The following ULK4 variants were observed in gnomAD, a reference collection of about 807,000 sequenced individuals.
The protein encoded by ULK4 is unc-51 like kinase 4, also known as inactive serine/threonine-protein kinase ULK4.
In ULK4, 133 loss-of-function variants were observed where a neutral mutation model predicts 160.6. The ratio of observed to expected loss-of-function variants is 0.83; its 90% CI spans 0.72 to 0.96. ULK4 has a LOEUF of 0.96. ULK4 is among the 40% of genes least tolerant of loss of function. The pLI is 0.00. For missense variants in ULK4, 1,580 were observed against 1,499.5 expected (o/e 1.05, Z -0.89); for synonymous variants, 534 against 539.8 (o/e 0.99, Z 0.15).
chr3:41,941,642 A>C (rs1451227550), intron 2 of ULK4, among the ~76,000 whole-genome samples: 1 of 149,050 alleles, frequency 6.7e-6, no homozygotes, highest in Non-Finnish European at 1.5e-5. Context: ...CTGTGGTCCC[A>C]GCTACTAGGG....
At chr3:41,571,226 G>C (rs1449383853) in intron 31 of ULK4, among the ~76,000 whole-genome samples, 1 of 152,164 alleles carries the variant, frequency 6.6e-6, no homozygotes, top group Non-Finnish European at 1.5e-5. Context: ...TGCAGCGGAG[G>C]GAGACCTTGG....
chr3:41,490,902 T>C (rs911432949), intron 32 of ULK4, among the ~76,000 whole-genome samples: 1 of 152,082 alleles, frequency 6.6e-6, no homozygotes, highest in Non-Finnish European at 1.5e-5. Flanking sequence ...CTGACACCAA[T>C]CAGTGCTCAA....
intron 31 of ULK4, among the ~76,000 whole-genome samples, chr3:41,580,834 C>T (rs2030262379): frequency 6.6e-6 from 1 of 152,152 alleles, no homozygotes; most frequent in African/African-American, 2.4e-5. Context: ...CTCCAAGGCC[C>T]TTTTCTGCCC....
At position 41,754,348 on chromosome 3, in the gene ULK4, G is replaced by C. The variant is rs1168445429; in HGVS notation, c.2321+13C>G. ...ATTGAAGTTACTGATGAAACCATCA[G>C]AGAAAATCTTACCTTGCTTGGCAAC... On this transcript the variant is annotated intron_variant, in intron 22 of 36. Transcript: ENST00000301831. The C allele has an allele frequency of 1.2e-6, 2 of 1,607,272 alleles. No homozygotes were observed. The highest frequency in any genetic ancestry group is 3.4e-5 in the Admixed American group (2 of 58,756).
intron 18 of ULK4, among the ~76,000 whole-genome samples, chr3:41,833,698 A>G (rs1362190200): frequency 2.0e-5 from 3 of 152,068 alleles, no homozygotes; most frequent in Non-Finnish European, 2.9e-5. Flanking sequence ...TGATTTTTGC[A>G]CACTGATTTT....
chr3:41,319,574 T>C (rs1023843389), intron 35 of ULK4, among the ~76,000 whole-genome samples: 15 of 152,228 alleles, frequency 9.9e-5, no homozygotes, highest in African/African-American at 3.6e-4. Flanking sequence ...TCTTGGTACA[T>C]GGTCAAAGTA....
intron 19 of ULK4, among the ~76,000 whole-genome samples, chr3:41,813,306 A>G (rs947387007): frequency 6.6e-6 from 1 of 152,226 alleles, no homozygotes; most frequent in African/African-American, 2.4e-5. Flanking sequence ...AATTTAAAAA[A>G]TAATAAAAAA....
chr3:41,858,147 GTTT>G (rs71288052), intron 17 of ULK4, among the ~76,000 whole-genome samples: 15,472 of 92,752 alleles, frequency 0.17, 1,027 homozygotes, highest in Middle Eastern at 0.42. Context: ...TTTTTTGTTT[GTTT>G]TTTTTTTTTT....
chr3:41,365,069 A>G (rs1345194309), intron 35 of ULK4, among the ~76,000 whole-genome samples: 2 of 152,208 alleles, frequency 1.3e-5, no homozygotes, highest in African/African-American at 4.8e-5. Context: ...TGTCATCTCC[A>G]TCACAAAAAC....
At chr3:41,867,395 G>A (rs563132046) in intron 17 of ULK4, among the ~76,000 whole-genome samples, 1 of 151,940 alleles carries the variant, frequency 6.6e-6, no homozygotes, top group African/African-American at 2.4e-5. Context: ...TTGTTGTTTT[G>A]GGGGGGCAAG....
chr3:41,734,097 G>A (rs928880506), intron 22 of ULK4, among the ~76,000 whole-genome samples: 2 of 152,092 alleles, frequency 1.3e-5, no homozygotes, highest in African/African-American at 4.8e-5. Context: ...GGGGTGGGGG[G>A]AGCTGAACAA....
chr3:41,400,824 A>G (rs1029819052), intron 34 of ULK4, among the ~76,000 whole-genome samples: 7 of 152,156 alleles, frequency 4.6e-5, no homozygotes, highest in Non-Finnish European at 7.4e-5. Context: ...CCAATTTCTC[A>G]GCATCTCCCC....
At chr3:41,923,065 T>A (rs976271360) in intron 5 of ULK4, among the ~76,000 whole-genome samples, 15 of 151,476 alleles carry the variant, frequency 9.9e-5, no homozygotes, top group Non-Finnish European at 8.8e-5. Context: ...GCCCAGCTAC[T>A]CGGGAGGCAG....
chr3:41,814,798 C>A (rs2040916255), intron 19 of ULK4, among the ~76,000 whole-genome samples: 1 of 151,924 alleles, frequency 6.6e-6, no homozygotes, highest in African/African-American at 2.4e-5. Flanking sequence ...GCTAACCACA[C>A]TTCTTTGGAT....
intron 17 of ULK4, among the ~76,000 whole-genome samples, chr3:41,867,470 T>G (rs1696938033): frequency 6.6e-6 from 1 of 152,130 alleles, no homozygotes; most frequent in Non-Finnish European, 1.5e-5. Flanking sequence ...CTCACAGATT[T>G]AAGCGATTCT....
At chr3:41,448,333 C>A (rs1033327641) in intron 34 of ULK4, among the ~76,000 whole-genome samples, 3 of 151,874 alleles carry the variant, frequency 2.0e-5, no homozygotes, top group African/African-American at 7.3e-5. Context: ...GACCTGAAAG[C>A]CAAGGAAAAG....
intron 31 of ULK4, among the ~76,000 whole-genome samples, chr3:41,578,934 T>C (rs1384254341): frequency 2.6e-5 from 4 of 152,238 alleles, no homozygotes; most frequent in Non-Finnish European, 4.4e-5. Flanking sequence ...AGAGTTTCCC[T>C]AAGGGCCTTG....
intron 22 of ULK4, among the ~76,000 whole-genome samples, chr3:41,726,169 C>T (rs1446831730): frequency 1.3e-5 from 2 of 152,166 alleles, no homozygotes; most frequent in Non-Finnish European, 2.9e-5. Context: ...ATATCTTTCA[C>T]TTAAGGCAAA....
At chr3:41,420,774 C>T (rs1003009261) in intron 34 of ULK4, among the ~76,000 whole-genome samples, 5 of 150,696 alleles carry the variant, frequency 3.3e-5, no homozygotes, top group African/African-American at 9.8e-5. Context: ...TGTGAGCCAC[C>T]GTGCCCGGCC....
Sources: gnomAD v4.1 joint callset for allele counts (sites outside exome capture counted in the v4.1 genomes callset) on GRCh38, gnomAD v4.1.1 for gene constraint, MANE v1.5 for transcripts, NCBI Gene and HGNC (gene_info 2026-07-23, HGNC 2026-07-21) for gene names.